Variants in NDUFA10 observed in about 807,000 individuals in gnomAD.
NDUFA10 encodes NADH:ubiquinone oxidoreductase subunit A10, also known as NADH dehydrogenase [ubiquinone] 1 alpha subcomplex subunit 10, mitochondrial.
In NDUFA10, 40 loss-of-function variants were observed where a neutral mutation model predicts 47.8. The observed-to-expected ratio is 0.84, with a 90% CI of 0.65 to 1.09. NDUFA10 has a LOEUF of 1.09. Ranked by LOEUF, NDUFA10 falls within the 50% of genes least tolerant of loss-of-function variation. The pLI, the probability that NDUFA10 is intolerant of heterozygous loss-of-function variation, is 0.00. For synonymous variants in NDUFA10, 183 were observed against 172.2 expected, an observed-to-expected ratio of 1.06 and a Z score of -0.49; for missense variants, 413 against 451.1, an observed-to-expected ratio of 0.92 and a Z score of 0.76.
chr2:239,949,754 T>C (rs972830231), intron 4 of NDUFA10, among the ~76,000 whole-genome samples: 25 of 152,140 alleles, frequency 1.6e-4, no homozygotes, highest in Admixed American at 3.9e-4. Flanking sequence ...AGCACTCGGA[T>C]TACAGGCGCG....
In NDUFA10 at chr2:239,919,678, AG is replaced by A. The variant is rs889279705; in HGVS notation, c.295-24365del. ...CCTGTGAAACTGAGGCCCCATCCTAAGAGGATCACATTCTCAGAAAACCTGA... is the reference window on the plus strand; with the variant it reads ...CCTGTGAAACTGAGGCCCCATCCTAAAGGATCACATTCTCAGAAAACCTGA... On this transcript the variant is annotated intron_variant, in intron 4 of 5. Transcript: ENST00000419408. Among the ~76,000 whole-genome samples the A allele has an allele frequency of 9.2e-4, 140 of 152,328 alleles. 1 individual carries two copies. The highest frequency in any genetic ancestry group is 3.2e-3 in the African/African-American group (135 of 41,572).
At chr2:239,971,736 C>T (rs188232870) in intron 9 of NDUFA10, among the ~76,000 whole-genome samples, 207 of 152,272 alleles carry the variant, frequency 1.4e-3, no homozygotes, top group African/African-American at 4.7e-3. Flanking sequence ...AGTCCAGGAT[C>T]TTTTTCCCAC....
At chr2:239,904,078 C>T (rs1488871864) in intron 4 of NDUFA10, among the ~76,000 whole-genome samples, 1 of 150,944 alleles carries the variant, frequency 6.6e-6, no homozygotes. Context: ...CACAGAACTA[C>T]AGGAGGCCAG....
intron 9 of NDUFA10, among the ~76,000 whole-genome samples, chr2:239,974,534 CT>C (rs1463656556): frequency 6.6e-6 from 1 of 152,242 alleles, no homozygotes; most frequent in Non-Finnish European, 1.5e-5. Flanking sequence ...TGAGATGTAA[CT>C]CACAGTGTCA....
intron 4 of NDUFA10, among the ~76,000 whole-genome samples, chr2:239,937,708 T>A (rs945078269): frequency 6.6e-6 from 1 of 152,136 alleles, no homozygotes; most frequent in Non-Finnish European, 1.5e-5. Flanking sequence ...CTGATCCTGA[T>A]TCTACTCATT....
At chr2:240,018,727 TAACA>T in intron 3 of NDUFA10, 88 bp from the exon 4 acceptor site, 1 of 1,340,968 alleles carries the variant, frequency 7.5e-7, no homozygotes. Flanking sequence ...GAAAAGAAAA[TAACA>T]ATCATTTACA....
intron 4 of NDUFA10, among the ~76,000 whole-genome samples, chr2:239,932,966 G>A (rs73101771): frequency 0.14 from 21,870 of 152,152 alleles, 2,122 homozygotes; most frequent in African/African-American, 0.28. Context: ...AGACTCCACC[G>A]TACACGCTAG....
chr2:239,994,406 C>T (rs1484061925), intron 8 of NDUFA10, among the ~76,000 whole-genome samples: 1 of 151,960 alleles, frequency 6.6e-6, no homozygotes, highest in Non-Finnish European at 1.5e-5. Flanking sequence ...ATCTAGTTTG[C>T]ACACTCCTTA....
chr2:239,982,041 AG>A, intron 9 of NDUFA10: 1 of 1,595,786 alleles, frequency 6.3e-7, no homozygotes, highest in Non-Finnish European at 8.5e-7. Context: ...CTGCTCTAAT[AG>A]TCACACGTTC....
intron 4 of NDUFA10, among the ~76,000 whole-genome samples, chr2:239,942,164 C>A (rs1484854826): frequency 6.6e-6 from 1 of 152,252 alleles, no homozygotes; most frequent in African/African-American, 2.4e-5. Flanking sequence ...ACAAAGTTCA[C>A]AACAGTTTTC....
chr2:239,901,521 C>A (rs1015312725), intron 4 of NDUFA10, among the ~76,000 whole-genome samples: 1 of 152,116 alleles, frequency 6.6e-6, no homozygotes, highest in East Asian at 1.9e-4. Context: ...CACCTGCCCC[C>A]CAAGAGCTCT....
At chr2:239,940,708 C>A (rs1205211049) in intron 4 of NDUFA10, among the ~76,000 whole-genome samples, 3 of 152,174 alleles carry the variant, frequency 2.0e-5, no homozygotes, top group Non-Finnish European at 2.9e-5. Context: ...AAAACAGAAT[C>A]CAAAGAATAG....
Position 240,005,233 on chromosome 2 carries a change from G to C in NDUFA10, c.867C>G (p.Arg289=), listed in dbSNP as rs911706643. Residue 289 remains arginine (R), a synonymous_variant, in exon 8 of 10, where the codon CGC becomes CGG. Coordinates refer to ENST00000252711, the MANE Select transcript of NDUFA10 (RefSeq NM_004544.4). ...ACAGTAATCGCAGGTGGTATAAAGT[G>C]CGATTGTCCTGCTTGAGCCACGGCC... The part of the protein sequence containing the change: ...DKGPWLKQDN[R]TLYHLRLLVQ... 6.2e-7 allele frequency: 1 copy of C among 1,614,026 alleles called. No individual in the cohort carries two copies. The highest frequency in any genetic ancestry group is 8.5e-7 in the Non-Finnish European group (1 of 1,179,950).
chr2:239,922,706 G>A (rs1389072753), intron 4 of NDUFA10, among the ~76,000 whole-genome samples: 1 of 152,182 alleles, frequency 6.6e-6, no homozygotes, highest in Non-Finnish European at 1.5e-5. Context: ...ATGATTCCAG[G>A]GACACCTGGT....
chr2:239,990,131 G>A lies in NDUFA10; in HGVS notation c.942C>T (p.Leu314=). The change falls in exon 9 of 10, where the codon CTC becomes CTT. Residue 314 remains leucine, a synonymous_variant. Coordinates refer to ENST00000252711, the MANE Select transcript of NDUFA10 (RefSeq NM_004544.4). ...GATGAGCTCCAATGGTGACTTCCGG[G>A]AGAAAGATAGGAATGCTTGTGTAAT... ...VLNYTSIPIF[L]PEVTIGAHQT... 4 of 1,613,962 alleles carry A rather than the reference G, an allele frequency of 2.5e-6. No individual in the cohort carries two copies. The highest frequency in any genetic ancestry group is 3.4e-6 in the Non-Finnish European group (4 of 1,179,892).
Position 239,960,509 on chromosome 2 carries a change from C to T in NDUFA10, c.*609G>A. The T allele has an allele frequency of 1.0e-6, 1 of 999,212 alleles. No homozygotes were observed. Among genetic ancestry groups the T allele is most frequent in the Non-Finnish European group, 1.2e-6 (1 of 836,258 alleles). The allele number at this position is 999,212 out of a possible 1,614,324, so 61.9% of individuals were successfully genotyped here. A position where few individuals can be genotyped will look rare whatever the true frequency, so the allele number is the denominator to read the frequency against. ...AACGTCTCTCTTAAAACATATTGTT[C>T]TGTAAATCTGTGGTAATTTTCTCCT... On this transcript the variant is annotated 3_prime_UTR_variant, in exon 10 of 10. Coordinates refer to ENST00000252711, the MANE Select transcript of NDUFA10 (RefSeq NM_004544.4).
At position 239,959,245 on chromosome 2, in the gene NDUFA10, G is replaced by A. The variant is rs1574809376; in HGVS notation, c.*1873C>T. 3 of 985,306 alleles carry A rather than the reference G, an allele frequency of 3.0e-6. No homozygotes were observed. Among genetic ancestry groups the A allele is most frequent in the Non-Finnish European group, 1.2e-6 (1 of 829,948 alleles). 61.0% of individuals were successfully genotyped at this position (985,306 alleles called of 1,614,324 possible). On this transcript the variant is annotated 3_prime_UTR_variant, in exon 10 of 10. Coordinates refer to ENST00000252711, the MANE Select transcript of NDUFA10 (RefSeq NM_004544.4). Reference sequence around the variant, plus strand: ...ACCCGAGTCCACACCATGCCGACACGGAGCCCTGCATGGTTGGAGAGCTCT... The same window carrying A: ...ACCCGAGTCCACACCATGCCGACACAGAGCCCTGCATGGTTGGAGAGCTCT...
intron 4 of NDUFA10, among the ~76,000 whole-genome samples, chr2:239,900,425 T>G (rs1320523399): frequency 1.3e-5 from 2 of 151,774 alleles, no homozygotes; most frequent in African/African-American, 4.8e-5. Context: ...AGGGCACACC[T>G]GAGCCTCCCC....
At chr2:239,954,605 G>A (rs983093250), downstream of NDUFA10, among the ~76,000 whole-genome samples, 1 of 152,224 alleles carries the variant, frequency 6.6e-6, no homozygotes, top group Non-Finnish European at 1.5e-5. Context: ...AAACAGCAGA[G>A]GCTGCATATT....
Sources: allele counts gnomAD v4.1 joint callset (sites outside exome capture counted in the v4.1 genomes callset), GRCh38; gene constraint gnomAD v4.1.1; transcripts MANE v1.5; gene names NCBI Gene and HGNC (gene_info 2026-07-23, HGNC 2026-07-21).